Variants in AHCTF1 observed in about 807,000 individuals in gnomAD.
AHCTF1 encodes AT-hook containing transcription factor 1.
A neutral mutation model predicts 248.4 loss-of-function variants in AHCTF1; 24 were observed. That is an observed-to-expected ratio of 0.10 (90% CI 0.07 to 0.14). The LOEUF (loss-of-function observed/expected upper bound fraction) is 0.14, where lower values mean the gene tolerates loss of function less well. Ranked by LOEUF, AHCTF1 falls within the 10% of genes least tolerant of loss-of-function variation. The probability of loss-of-function intolerance (pLI) is 1.00; values close to 1 mark genes in which losing one functional copy is unlikely to be tolerated. For missense variants in AHCTF1, 2,206 were observed against 2,636.2 expected (o/e 0.84, Z 3.57); for synonymous variants, 786 against 929.8 (o/e 0.85, Z 2.81).
At chr1:246,852,619 CTG>C (rs1309522003) in intron 32 of AHCTF1, among the ~76,000 whole-genome samples, 3 of 152,078 alleles carry the variant, frequency 2.0e-5, no homozygotes, top group Non-Finnish European at 4.4e-5. Context: ...TCCTGTGTAA[CTG>C]TATCCATATA....
Position 246,877,250 on chromosome 1 carries a change from T to C in AHCTF1, c.2713A>G (p.Ile905Val), listed in dbSNP as rs1663040614. The C allele has an allele frequency of 2.5e-6, 4 of 1,611,480 alleles. No individual in the cohort carries two copies. The highest frequency in any genetic ancestry group is 3.4e-5 in the Admixed American group (2 of 59,342). The change falls in exon 22 of 36, where the codon ATA (isoleucine) becomes GTA (valine). Residue 905 changes from isoleucine to valine, a missense_variant. Physicochemically the swap from Ile to Val is conservative, Grantham distance 29. Around this residue, in one of 6 missense-constraint regions of AHCTF1, gnomAD observed 955 missense variants for 1,055.6 expected, o/e 0.90. Transcript: ENST00000648844. ...TACATGTGCTTCAGTAACTCCTCTATATTCAACCTATTGCAATGTTGCCGC... is the reference window on the plus strand; with the variant it reads ...TACATGTGCTTCAGTAACTCCTCTACATTCAACCTATTGCAATGTTGCCGC... Reference protein sequence around the residue: ...FLRQHCNRLNIEELLKHMYEV... With the variant: ...FLRQHCNRLNVEELLKHMYEV...
At chr1:246,922,952 T>C (rs148060665) in intron 1 of AHCTF1, among the ~76,000 whole-genome samples, 12,806 of 126,426 alleles carry the variant, frequency 0.1, 874 homozygotes, top group African/African-American at 0.2. Flanking sequence ...CACTGCACTC[T>C]AGCCTGGGCG....
chr1:246,882,517 C>T (rs1469098608), intron 21 of AHCTF1, among the ~76,000 whole-genome samples: 2 of 152,062 alleles, frequency 1.3e-5, no homozygotes, highest in African/African-American at 4.8e-5. Context: ...CTGTGGGATG[C>T]CGCTAAGGTG....
intron 33 of AHCTF1, 61 bp from the exon 34 acceptor site, chr1:246,843,989 C>A: frequency 2.6e-6 from 3 of 1,141,898 alleles, no homozygotes; most frequent in Admixed American, 3.2e-5. Context: ...TATATAAACA[C>A]AATAAAAACC....
At chr1:246,844,805 CTTTTTT>C (rs11370838) in intron 33 of AHCTF1, among the ~76,000 whole-genome samples, 2 of 141,898 alleles carry the variant, frequency 1.4e-5, no homozygotes, top group African/African-American at 5.2e-5. Flanking sequence ...ACCACACAGA[CTTTTTT>C]TTTTTTTTTT....
At chr1:246,918,644 G>A (rs1044114867) in intron 1 of AHCTF1, among the ~76,000 whole-genome samples, 3 of 152,198 alleles carry the variant, frequency 2.0e-5, no homozygotes, top group African/African-American at 7.2e-5. Context: ...CTCCAGCATG[G>A]GCGACAGAGC....
At chr1:246,923,287 C>T (rs1279881036) in intron 1 of AHCTF1, among the ~76,000 whole-genome samples, 1 of 151,836 alleles carries the variant, frequency 6.6e-6, no homozygotes, top group East Asian at 1.9e-4. Flanking sequence ...TGGTGACATG[C>T]GTCTGTAATC....
In AHCTF1 at chr1:246,897,097, T is replaced by G. The variant is rs1044192312; in HGVS notation, c.1623+1111A>C. ...GGGAGGCCGAGGAGGGCAGATCACT[T>G]GAGGTCAGGAGTTTGAGACCAGCCT... On this transcript the variant is annotated intron_variant, in intron 12 of 35. Coordinates refer to ENST00000648844, the MANE Select transcript of AHCTF1 (RefSeq NM_001323342.2). Among the ~76,000 whole-genome samples, 3 of 152,276 alleles carry G rather than the reference T, an allele frequency of 2.0e-5. No homozygotes were observed. The South Asian group carries it at 6.2e-4, about 32-fold the overall frequency.
chr1:246,858,794 T>C, intron 29 of AHCTF1, among the ~76,000 whole-genome samples: 1 of 141,752 alleles, frequency 7.1e-6, no homozygotes, highest in East Asian at 2.0e-4. Flanking sequence ...AGCGAAACTC[T>C]GTCTCAAAAA....
At chr1:246,908,597 A>G (rs1354058979) in intron 4 of AHCTF1, among the ~76,000 whole-genome samples, 2 of 152,036 alleles carry the variant, frequency 1.3e-5, no homozygotes, top group African/African-American at 4.8e-5. Context: ...GACTTATCCA[A>G]GAATCTTAGG....
At position 246,928,003 on chromosome 1, in the gene AHCTF1, AAATT is replaced by A. The variant is rs776874783; in HGVS notation, c.-8+3571_-8+3574del. Among the ~76,000 whole-genome samples the A allele has an allele frequency of 1.2e-4, 19 of 152,114 alleles. 3 individuals carry two copies. Among genetic ancestry groups the A allele is most frequent in the Admixed American group, 6.5e-4 (10 of 15,272 alleles). ...GACAGAGCAAGACTCCGCCACCAAA[AAATT>A]AATTAATTAATTAAATTAAATACTG... is the stretch of plus-strand genomic sequence containing the variant. On this transcript the variant is annotated intron_variant, in intron 1 of 35. Coordinates refer to ENST00000648844, the MANE Select transcript of AHCTF1 (RefSeq NM_001323342.2).
chr1:246,872,051 CA>C (rs753977798), intron 24 of AHCTF1, among the ~76,000 whole-genome samples: 11,043 of 83,680 alleles, frequency 0.13, 501 homozygotes, highest in African/African-American at 0.22. Context: ...CTATTAATGA[CA>C]AAAAAAAAAA....
chr1:246,929,166 T>C (rs1034348346), intron 1 of AHCTF1, among the ~76,000 whole-genome samples: 1 of 152,184 alleles, frequency 6.6e-6, no homozygotes, highest in Non-Finnish European at 1.5e-5. Context: ...CCCAGCACTT[T>C]GGTTGGCCGA....
intron 21 of AHCTF1, among the ~76,000 whole-genome samples, chr1:246,883,496 C>T (rs1279839382): frequency 2.0e-5 from 3 of 152,182 alleles, no homozygotes; most frequent in Admixed American, 6.5e-5. Flanking sequence ...TATGCTGTTA[C>T]ATAATCTCCT....
rs1357007130 is a variant in AHCTF1 at position 246,894,898 on chromosome 1, T to C, written c.1715-150A>G. 44 of 650,468 alleles carry C rather than the reference T, an allele frequency of 6.8e-5. 2 individuals carry two copies. In the South Asian group the frequency reaches 8.5e-4, roughly 13 times the overall value. The allele number at this position is 650,468 out of a possible 1,614,324, so 40.3% of individuals were successfully genotyped here. A position where few individuals can be genotyped will look rare whatever the true frequency, so the allele number is the denominator to read the frequency against. ...AACTTGGGAAAATGGACTTTCTCAG[T>C]GCACCACACCACGGAGCACGTCATT... On this transcript the variant is annotated intron_variant, in intron 13 of 35. Coordinates refer to ENST00000648844, the MANE Select transcript of AHCTF1 (RefSeq NM_001323342.2).
At chr1:246,891,095 CA>C in intron 15 of AHCTF1, 35 bp from the exon 16 acceptor site, 16 of 1,371,500 alleles carry the variant, frequency 1.2e-5, no homozygotes, top group South Asian at 9.1e-5. Flanking sequence ...TGTTTACTTA[CA>C]AAAAAATCAA....
At chr1:246,867,153 A>G in intron 26 of AHCTF1, 91 bp downstream of exon 26, 1 of 618,290 alleles carries the variant, frequency 1.6e-6, no homozygotes. Flanking sequence ...TAATAATTTA[A>G]AAGTCTATAA....
At chr1:246,892,819 T>TG (rs1664310646) in intron 14 of AHCTF1, among the ~76,000 whole-genome samples, 1 of 151,180 alleles carries the variant, frequency 6.6e-6, no homozygotes, top group African/African-American at 2.4e-5. Context: ...GATTTTTTTT[T>TG]GGTTTTGCAG....
intron 6 of AHCTF1, 139 bp downstream of exon 6, chr1:246,905,402 C>A: frequency 4.9e-6 from 3 of 616,074 alleles, no homozygotes; most frequent in East Asian, 3.0e-5. Flanking sequence ...GGAGGCTGAG[C>A]GAGAGAATGG....
Sources: gnomAD v4.1 joint callset for allele counts (sites outside exome capture counted in the v4.1 genomes callset) on GRCh38, gnomAD v4.1.1 for gene constraint, gnomAD v4.1.1 regional missense constraint, MANE v1.5 for transcripts, NCBI Gene and HGNC (gene_info 2026-07-23, HGNC 2026-07-21) for gene names.